FSTL5: variants seen among roughly 807,000 people sequenced by gnomAD.
FSTL5 encodes follistatin like 5.
In FSTL5, 62 loss-of-function variants were observed where a neutral mutation model predicts 89.1. The ratio of observed to expected loss-of-function variants is 0.70; its 90% CI spans 0.57 to 0.86. The LOEUF (loss-of-function observed/expected upper bound fraction) is 0.86, where lower values mean the gene tolerates loss of function less well. Among genes scored for constraint, FSTL5 ranks in the 40% least tolerant of loss-of-function variants. FSTL5 has a pLI of 0.00. For missense variants in FSTL5, 1,057 were observed against 1,001.6 expected, an observed-to-expected ratio of 1.06 and a Z score of -0.75; for synonymous variants, 383 against 346.2, an observed-to-expected ratio of 1.11 and a Z score of -1.18.
intron 3 of FSTL5, among the ~76,000 whole-genome samples, chr4:161,977,668 A>G (rs1037796112): frequency 1.5e-5 from 2 of 134,202 alleles, no homozygotes; most frequent in East Asian, 4.3e-4. Flanking sequence ...AATAATAATA[A>G]ATTATTTTTT....
At chr4:161,660,035 G>A (rs983635874) in intron 6 of FSTL5, among the ~76,000 whole-genome samples, 3 of 152,090 alleles carry the variant, frequency 2.0e-5, no homozygotes, top group Non-Finnish European at 4.4e-5. Context: ...TGTAACATAT[G>A]GTACCGAGTG....
chr4:161,704,469 G>A (rs1399396948), intron 6 of FSTL5, among the ~76,000 whole-genome samples: 39 of 152,038 alleles, frequency 2.6e-4, no homozygotes, highest in Admixed American at 2.1e-3. Flanking sequence ...GATGTTCGAG[G>A]TTCTCACTCT....
chr4:161,626,417 C>A (rs1365646778), intron 7 of FSTL5, among the ~76,000 whole-genome samples: 3 of 152,080 alleles, frequency 2.0e-5, no homozygotes, highest in Non-Finnish European at 4.4e-5. Context: ...GATCATAGCA[C>A]ATCTGTTTAA....
At chr4:161,899,515 G>A (rs1446426561) in intron 4 of FSTL5, among the ~76,000 whole-genome samples, 1 of 152,178 alleles carries the variant, frequency 6.6e-6, no homozygotes, top group Non-Finnish European at 1.5e-5. Context: ...CAGTTCTTCT[G>A]CCAATCTTAG....
At chr4:162,045,995 T>C (rs1351751187) in intron 2 of FSTL5, among the ~76,000 whole-genome samples, 1 of 152,130 alleles carries the variant, frequency 6.6e-6, no homozygotes, top group Non-Finnish European at 1.5e-5. Context: ...TCTAACTAAC[T>C]CACTTTTAGA....
chr4:161,574,344 CTT>C (rs200138310), intron 8 of FSTL5, among the ~76,000 whole-genome samples: 1 of 137,248 alleles, frequency 7.3e-6, no homozygotes. Context: ...TTTTTTTTTT[CTT>C]TTTTTTTTTT....
chr4:161,870,020 T>A (rs182424304), intron 4 of FSTL5, among the ~76,000 whole-genome samples: 1 of 152,324 alleles, frequency 6.6e-6, no homozygotes, highest in East Asian at 1.9e-4. Flanking sequence ...CTGATTAATA[T>A]CAACAGTCAT....
chr4:161,796,012 T>G (rs980288692), intron 4 of FSTL5, among the ~76,000 whole-genome samples: 1 of 151,898 alleles, frequency 6.6e-6, no homozygotes, highest in Non-Finnish European at 1.5e-5. Flanking sequence ...AAAAATACAA[T>G]ATCAGATTTT....
At chr4:162,106,971 A>G (rs1731248818) in intron 2 of FSTL5, among the ~76,000 whole-genome samples, 1 of 152,192 alleles carries the variant, frequency 6.6e-6, no homozygotes, top group African/African-American at 2.4e-5. Context: ...TACAATTGTG[A>G]TCCAATGTGA....
intron 2 of FSTL5, among the ~76,000 whole-genome samples, chr4:162,098,865 T>C (rs767150827): frequency 3.3e-5 from 5 of 151,994 alleles, no homozygotes; most frequent in African/African-American, 4.8e-5. Flanking sequence ...CAACTGCACA[T>C]CTACATGCAA....
At chr4:161,974,992 A>T (rs1376067672) in intron 3 of FSTL5, among the ~76,000 whole-genome samples, 3 of 138,794 alleles carry the variant, frequency 2.2e-5, no homozygotes, top group African/African-American at 8.4e-5. Flanking sequence ...GCCAAAAAAC[A>T]CATGAAAAAA....
At chr4:161,458,159 G>A (rs1275012503) in intron 14 of FSTL5, among the ~76,000 whole-genome samples, 1 of 152,154 alleles carries the variant, frequency 6.6e-6, no homozygotes, top group Non-Finnish European at 1.5e-5. Context: ...CAAGTTATCA[G>A]GTAACTGGAG....
chr4:161,839,092 C>T (rs113122702), intron 4 of FSTL5, among the ~76,000 whole-genome samples: 1,916 of 151,856 alleles, frequency 0.013, 35 homozygotes, highest in African/African-American at 0.043. Flanking sequence ...TAAATATTTA[C>T]ATGAGAATAA....
In FSTL5 at chr4:161,977,612, CAAAAAAAAAAAAAAA is replaced by C. The variant is rs796909244; in HGVS notation, c.160+55998_160+56012del. ...TGGGCGACACAGCGAGACTCCGTGT[CAAAAAAAAAAAAAAA>C]AAAAAAAAAAAAAATAATAATAATA... is the stretch of plus-strand genomic sequence containing the variant. On this transcript the variant is annotated intron_variant, in intron 3 of 15. Transcript: ENST00000306100. Among the ~76,000 whole-genome samples, 132 of 95,130 alleles carry C rather than the reference CAAAAAAAAAAAAAAA, an allele frequency of 1.4e-3. 3 individuals are homozygous for C. In the South Asian group the frequency reaches 0.03, roughly 21 times the overall value. The allele number at this position is 95,130 out of a possible 152,430, so 62.4% of individuals were successfully genotyped here. A position where few individuals can be genotyped will look rare whatever the true frequency, so the allele number is the denominator to read the frequency against.
chr4:161,548,929 C>A (rs1039325834), intron 8 of FSTL5, among the ~76,000 whole-genome samples: 4 of 151,724 alleles, frequency 2.6e-5, no homozygotes, highest in Admixed American at 2.0e-4. Flanking sequence ...TCCTTTCCAA[C>A]AAAAATTAAC....
At chr4:162,107,685 G>A (rs1731277014) in intron 2 of FSTL5, among the ~76,000 whole-genome samples, 1 of 152,074 alleles carries the variant, frequency 6.6e-6, no homozygotes, top group Non-Finnish European at 1.5e-5. Flanking sequence ...GCTTATGGAG[G>A]AACAAGAAAA....
chr4:162,065,532 T>A (rs1738865470), intron 2 of FSTL5, among the ~76,000 whole-genome samples: 2 of 152,092 alleles, frequency 1.3e-5, no homozygotes, highest in East Asian at 3.9e-4. Context: ...CGAGCATAGC[T>A]ATTATCAAAA....
At chr4:161,621,677 A>G (rs1218915035) in intron 7 of FSTL5, among the ~76,000 whole-genome samples, 1 of 152,044 alleles carries the variant, frequency 6.6e-6, no homozygotes, top group Admixed American at 6.6e-5. Context: ...CATTAAGACA[A>G]TGGGAATTAC....
intron 4 of FSTL5, among the ~76,000 whole-genome samples, chr4:161,827,379 G>A (rs1725006758): frequency 6.6e-6 from 1 of 152,212 alleles, no homozygotes; most frequent in South Asian, 2.1e-4. Context: ...AACTCTGTGA[G>A]GGTCCTTAGC....
Sources: allele counts gnomAD v4.1 joint callset (sites outside exome capture counted in the v4.1 genomes callset), GRCh38; gene constraint gnomAD v4.1.1; transcripts MANE v1.5; gene names NCBI Gene and HGNC (gene_info 2026-07-23, HGNC 2026-07-21).